The following ZNF583 variants were observed in gnomAD, a reference collection of about 807,000 sequenced individuals.
ZNF583 encodes zinc finger protein 583, also known as zinc finger protein L3-5.
ZNF583 carries 30 observed loss-of-function variants against 55.3 expected under a neutral mutation model. That is an observed-to-expected ratio of 0.54 (90% CI 0.41 to 0.74). The LOEUF (loss-of-function observed/expected upper bound fraction) is 0.74, where lower values mean the gene tolerates loss of function less well. Among genes scored for constraint, ZNF583 ranks in the 30% least tolerant of loss-of-function variants. The pLI is 0.00. For missense variants in ZNF583, 504 were observed against 664.7 expected, an observed-to-expected ratio of 0.76 and a Z score of 2.66; for synonymous variants, 208 against 220.0, an observed-to-expected ratio of 0.95 and a Z score of 0.48.
In ZNF583 at chr19:56,422,935, G is replaced by C. The variant is rs1337583290; in HGVS notation, c.277G>C (p.Glu93Gln). Residue 93 changes from glutamate to glutamine, a missense_variant, in exon 5 of 5, where the codon GAG becomes CAG. Coordinates refer to ENST00000333201, the MANE Select transcript of ZNF583 (RefSeq NM_152478.3). ...AAACAGTGAATTTTCATCAAAGCAA[G>C]AGACATATGAAGAATCATCCAAAGT... ...FKNSEFSSKQ[E>Q]TYEESSKVVT... 6.2e-6 allele frequency: 10 copies of C among 1,611,962 alleles called. No individual in the cohort carries two copies. Among genetic ancestry groups the C allele is most frequent in the Non-Finnish European group, 8.5e-6 (10 of 1,179,414 alleles).
Position 56,417,480 on chromosome 19 carries a change from A to T in ZNF583, c.232+3040A>T, listed in dbSNP as rs572946659. Among the ~76,000 whole-genome samples the T allele has an allele frequency of 2.0e-5, 3 of 152,226 alleles. No homozygotes were observed. The South Asian group carries it at 6.2e-4, about 32-fold the overall frequency. On this transcript the variant is annotated intron_variant, in intron 4 of 4. Transcript: ENST00000333201. ...GGCCATGCATATAACTTTTATGAAA[A>T]CTTTGTTCAAACATTTTTCCCATGT...
intron 2 of ZNF583, among the ~76,000 whole-genome samples, chr19:56,411,631 G>T (rs1048040854): frequency 6.6e-6 from 1 of 152,230 alleles, no homozygotes; most frequent in African/African-American, 2.4e-5. Flanking sequence ...AGTTACAGTA[G>T]AATTGATGAT....
intron 2 of ZNF583, among the ~76,000 whole-genome samples, chr19:56,412,079 G>T (rs73934905): frequency 0.012 from 1,797 of 152,280 alleles, 41 homozygotes; most frequent in African/African-American, 0.041. Context: ...GCCATGCTGG[G>T]CATTAATCTT....
Position 56,404,736 on chromosome 19 carries a change from G to A in ZNF583, c.-90+284G>A, listed in dbSNP as rs2042118058. Among the ~76,000 whole-genome samples, 1 of 152,178 alleles carries A rather than the reference G, an allele frequency of 6.6e-6. No individual in the cohort carries two copies. The highest frequency in any genetic ancestry group is 1.5e-5 in the Non-Finnish European group (1 of 68,026). ...ACAGTATGAGACTGGGTGTGAGAAT[G>A]TGTGCGACAGTATGAGACCGTTGCC... On this transcript the variant is annotated intron_variant, in intron 1 of 4. Coordinates refer to ENST00000333201, the MANE Select transcript of ZNF583 (RefSeq NM_152478.3). This position sits in a 1 kb window ranked among gnomAD's most constrained non-coding sequence, Gnocchi z 5.2.
chr19:56,407,291 C>T (rs1176783557), intron 2 of ZNF583, among the ~76,000 whole-genome samples, 168 bp downstream of exon 2: 2 of 152,154 alleles, frequency 1.3e-5, no homozygotes, highest in East Asian at 1.9e-4. Context: ...GCCTAGTTAT[C>T]TTTTTTTCCA....
chr19:56,416,372 A>G (rs1264750292), intron 4 of ZNF583, among the ~76,000 whole-genome samples: 1 of 151,388 alleles, frequency 6.6e-6, no homozygotes, highest in East Asian at 1.9e-4. Context: ...CTCTACTCAT[A>G]AATCAGTTTA....
At chr19:56,422,818 T>C in intron 4 of ZNF583, 73 bp from the exon 5 acceptor site, 1 of 1,119,278 alleles carries the variant, frequency 8.9e-7, no homozygotes, top group Non-Finnish European at 1.3e-6. Context: ...ATGTATTTTA[T>C]TCACGTTTTT....
intron 2 of ZNF583, among the ~76,000 whole-genome samples, chr19:56,408,151 T>C (rs377111268): frequency 6.6e-6 from 1 of 151,960 alleles, no homozygotes; most frequent in East Asian, 1.9e-4. Context: ...ATTCATCTAG[T>C]AAAAAAAATT....
At chr19:56,412,869 T>A (rs1442721360) in intron 2 of ZNF583, among the ~76,000 whole-genome samples, 1 of 152,230 alleles carries the variant, frequency 6.6e-6, no homozygotes, top group Non-Finnish European at 1.5e-5. Context: ...CTTCATTTTA[T>A]CTGTGACAAA....
rs1260252206 is a variant in ZNF583 at position 56,423,278 on chromosome 19, T to C, written c.620T>C (p.Val207Ala). The C allele has an allele frequency of 1.2e-6, 2 of 1,609,134 alleles. No individual in the cohort carries two copies. The highest frequency in any genetic ancestry group is 1.7e-6 in the Non-Finnish European group (2 of 1,178,806). ...GAAATGAAACATAGGAAAGTCTATG[T>C]AGAAAAGAAACTTTTGAAATGTAAT... ...SVEMKHRKVY[V>A]EKKLLKCNDC... is the part of the protein sequence containing the mutation. The change falls in exon 5 of 5, where the codon GTA (valine) becomes GCA (alanine). Residue 207 changes from valine to alanine, a missense_variant. This residue lies in a region of ZNF583 where 204 missense variants were observed against 235.2 expected (regional missense o/e 0.87). Transcript: ENST00000333201.
chr19:56,416,725 T>C (rs771888013), intron 4 of ZNF583, among the ~76,000 whole-genome samples: 5 of 151,348 alleles, frequency 3.3e-5, no homozygotes, highest in Non-Finnish European at 5.9e-5. Context: ...GAGAGTTTTC[T>C]GGTTTTATTG....
chr19:56,409,384 G>A lies in ZNF583; in HGVS notation c.9+2261G>A, dbSNP rs114240611. ...AAAGAAAAAGCTGAAAGTATGATGTGTAGAATAGGTGGAACCCATTAGCCC... is the reference window on the plus strand; with the variant it reads ...AAAGAAAAAGCTGAAAGTATGATGTATAGAATAGGTGGAACCCATTAGCCC... On this transcript the variant is annotated intron_variant, in intron 2 of 4. Transcript: ENST00000333201. Among the ~76,000 whole-genome samples the A allele has an allele frequency of 2.6e-3, 397 of 152,216 alleles. 1 individual carries two copies. The highest frequency in any genetic ancestry group is 9.0e-3 in the African/African-American group (374 of 41,536).
chr19:56,413,910 G>T (rs770756408), intron 2 of ZNF583, 49 bp from the exon 3 acceptor site: 1 of 1,610,376 alleles, frequency 6.2e-7, no homozygotes, highest in Non-Finnish European at 8.5e-7. Context: ...TTAGGCTCAT[G>T]TGAGGATATG....
At position 56,405,762 on chromosome 19, in the gene ZNF583, A is replaced by G. The variant is rs114811119; in HGVS notation, c.-89-1264A>G. On this transcript the variant is annotated intron_variant, in intron 1 of 4. Coordinates refer to ENST00000333201, the MANE Select transcript of ZNF583 (RefSeq NM_152478.3). ...AATAAATGACAGAAAGATGAAAATTAAGCACTGTGCTCAATGCTTTATGTA... is the reference window on the plus strand; with the variant it reads ...AATAAATGACAGAAAGATGAAAATTGAGCACTGTGCTCAATGCTTTATGTA... 4.3e-3 allele frequency among the ~76,000 whole-genome samples: 649 copies of G among 152,320 alleles called. 5 individuals are homozygous for G. Among genetic ancestry groups the G allele is most frequent in the African/African-American group, 0.015 (623 of 41,556 alleles).
rs1002598631 is a variant in ZNF583, at chr19:56,423,266, G to A, written c.608G>A (p.Arg203Lys). The A allele has an allele frequency of 5.0e-6, 8 of 1,610,332 alleles. No individual in the cohort carries two copies. Among genetic ancestry groups the A allele is most frequent in the Middle Eastern group, 1.7e-4 (1 of 6,058 alleles). The change falls in exon 5 of 5, where the codon AGG (arginine) becomes AAG (lysine). Residue 203 changes from arginine to lysine, a missense_variant. Physicochemically the swap from Arg to Lys is conservative, Grantham distance 26. Coordinates refer to ENST00000333201, the MANE Select transcript of ZNF583 (RefSeq NM_152478.3). ...YRKKSVEMKH[R>K]KVYVEKKLLK... Reference sequence around the variant, plus strand: ...AAAAAATCTGTTGAAATGAAACATAGGAAAGTCTATGTAGAAAAGAAACTT... The same window carrying A: ...AAAAAATCTGTTGAAATGAAACATAAGAAAGTCTATGTAGAAAAGAAACTT...
intron 2 of ZNF583, among the ~76,000 whole-genome samples, chr19:56,413,740 C>T (rs2042273331): frequency 1.3e-5 from 2 of 152,150 alleles, no homozygotes; most frequent in South Asian, 4.1e-4. Context: ...AGGATTATCT[C>T]TCAAATTGTA....
At chr19:56,413,063 A>G (rs1323137013) in intron 2 of ZNF583, among the ~76,000 whole-genome samples, 1 of 152,226 alleles carries the variant, frequency 6.6e-6, no homozygotes, top group Non-Finnish European at 1.5e-5. Flanking sequence ...TGTGACACCA[A>G]GCTGCTGGTC....
intron 1 of ZNF583, among the ~76,000 whole-genome samples, chr19:56,406,716 A>T (rs931901434): frequency 1.2e-4 from 18 of 151,614 alleles, no homozygotes; most frequent in Admixed American, 1.1e-3. Context: ...TTTAGTAGAG[A>T]CGGGGTTTCC....
At chr19:56,408,748 G>T (rs1218311335) in intron 2 of ZNF583, among the ~76,000 whole-genome samples, 1 of 152,070 alleles carries the variant, frequency 6.6e-6, no homozygotes, top group Non-Finnish European at 1.5e-5. Context: ...GTCTGTGATG[G>T]GGCTCATTAT....
Sources: allele counts gnomAD v4.1 joint callset (sites outside exome capture counted in the v4.1 genomes callset), GRCh38; gene constraint gnomAD v4.1.1; regional missense constraint gnomAD v4.1.1; non-coding constraint Gnocchi (gnomAD v3.1); transcripts MANE v1.5; gene names NCBI Gene and HGNC (gene_info 2026-07-23, HGNC 2026-07-21).